The following FAM216A variants were observed in gnomAD, a reference collection of about 807,000 sequenced individuals.
The protein encoded by FAM216A is family with sequence similarity 216 member A, also known as protein FAM216A.
A neutral mutation model predicts 37.6 loss-of-function variants in FAM216A; 26 were observed. The observed-to-expected ratio is 0.69, with a 90% CI of 0.51 to 0.96. The LOEUF (loss-of-function observed/expected upper bound fraction) is 0.96. Among genes scored for constraint, FAM216A ranks in the 40% least tolerant of loss-of-function variants. The pLI, the probability that FAM216A is intolerant of heterozygous loss-of-function variation, is 0.00. For missense variants in FAM216A, 326 were observed against 339.3 expected (o/e 0.96, Z 0.31); for synonymous variants, 110 against 121.7 (o/e 0.90, Z 0.64).
Position 110,475,124 on chromosome 12 carries a change from G to A in FAM216A, c.184+2006G>A, listed in dbSNP as rs553274393. Among the ~76,000 whole-genome samples, 3 of 152,254 alleles carry A rather than the reference G, an allele frequency of 2.0e-5. No homozygotes were observed. In the East Asian group the frequency reaches 5.8e-4, roughly 29 times the overall value. On this transcript the variant is annotated intron_variant, in intron 2 of 6. Transcript: ENST00000377673. ...TGTATTGCTGTTTATAATTGGAGGGGAAAAGGGCCAGTATTCAGCAAGTGC... is the reference window on the plus strand; with the variant it reads ...TGTATTGCTGTTTATAATTGGAGGGAAAAAGGGCCAGTATTCAGCAAGTGC...
At chr12:110,476,309 C>G (rs911512390) in intron 2 of FAM216A, among the ~76,000 whole-genome samples, 6 of 151,150 alleles carry the variant, frequency 4.0e-5, no homozygotes, top group African/African-American at 1.5e-4. Flanking sequence ...ACGCCATTCT[C>G]CTGCCTCAGC....
At chr12:110,487,637 T>C (rs958341133) in intron 5 of FAM216A, 2 of 493,984 alleles carry the variant, frequency 4.0e-6, no homozygotes, top group Admixed American at 8.0e-5. Context: ...CACAGGGGAA[T>C]ACTATATAAC....
intron 2 of FAM216A, among the ~76,000 whole-genome samples, chr12:110,475,232 T>C (rs985918128): frequency 6.6e-6 from 1 of 152,172 alleles, no homozygotes; most frequent in Non-Finnish European, 1.5e-5. Context: ...TGGCAGTGAC[T>C]CTAGATATTA....
rs184832719 is a variant in FAM216A, at chr12:110,479,855, A to C, written c.185-5223A>C. Among the ~76,000 whole-genome samples, 889 of 151,842 alleles carry C rather than the reference A, an allele frequency of 5.9e-3. 7 individuals are homozygous for C. Among genetic ancestry groups the C allele is most frequent in the Non-Finnish European group, 9.3e-3 (630 of 67,948 alleles). ...CCATCTAAAAAAAAACCCAAAAAAA[A>C]CAAAAAACAAAACAACAAAAAAAAG... On this transcript the variant is annotated intron_variant, in intron 2 of 6. Transcript: ENST00000377673.
At chr12:110,475,721 CAAAA>C (rs112122723) in intron 2 of FAM216A, among the ~76,000 whole-genome samples, 4 of 96,978 alleles carry the variant, frequency 4.1e-5, no homozygotes, top group Admixed American at 1.1e-4. Context: ...TCACCCCTGG[CAAAA>C]AAAAAAAAAA....
chr12:110,469,287 C>T, intron 1 of FAM216A: 2 of 385,380 alleles, frequency 5.2e-6, no homozygotes, highest in East Asian at 4.0e-5. Flanking sequence ...CAGTCGCCCG[C>T]GTGCATCTCT....
At chr12:110,489,574 G>A (rs1363283068) in intron 6 of FAM216A, among the ~76,000 whole-genome samples, 4 of 151,706 alleles carry the variant, frequency 2.6e-5, no homozygotes, top group East Asian at 1.9e-4. Flanking sequence ...TGTAAATATC[G>A]TACCATGCCT....
intron 5 of FAM216A, 135 bp from the exon 6 acceptor site, chr12:110,487,726 C>A (rs1417462038): frequency 4.5e-6 from 3 of 663,848 alleles, no homozygotes; most frequent in Non-Finnish European, 8.2e-6. Context: ...TAAGAAATTA[C>A]AGGAGAATCT....
At chr12:110,469,484 G>A (rs2062666496) in intron 1 of FAM216A, among the ~76,000 whole-genome samples, 1 of 152,104 alleles carries the variant, frequency 6.6e-6, no homozygotes, top group Non-Finnish European at 1.5e-5. Flanking sequence ...GTCAAACGGG[G>A]ATTTCTTTTT....
chr12:110,468,863 T>C lies in FAM216A; in HGVS notation c.-13T>C. Reference sequence around the variant, plus strand: ...TACCAGCAGCCTGACGCACGCGTGCTGTCGGGGGAGGGATGCTGGGACAGC... The same window carrying C: ...TACCAGCAGCCTGACGCACGCGTGCCGTCGGGGGAGGGATGCTGGGACAGC... On this transcript the variant is annotated 5_prime_UTR_variant, in exon 1 of 7. Transcript: ENST00000377673. 1.3e-6 allele frequency: 2 copies of C among 1,488,130 alleles called. No homozygotes were observed. The highest frequency in any genetic ancestry group is 1.8e-6 in the Non-Finnish European group (2 of 1,119,316). The allele number at this position is 1,488,130 out of a possible 1,614,324, so 92.2% of individuals were successfully genotyped here.
At chr12:110,482,100 GAGACAGAGTCT>G (rs1273210876) in intron 2 of FAM216A, among the ~76,000 whole-genome samples, 104 of 140,780 alleles carry the variant, frequency 7.4e-4, no homozygotes, top group Middle Eastern at 3.7e-3. Flanking sequence ...TTTTTTTTTT[GAGACAGAGTCT>G]CACTCTGTCA....
At chr12:110,476,144 A>T (rs2062713265) in intron 2 of FAM216A, among the ~76,000 whole-genome samples, 1 of 152,146 alleles carries the variant, frequency 6.6e-6, no homozygotes, top group Non-Finnish European at 1.5e-5. Flanking sequence ...TTTCAATAAT[A>T]TCCTTTATAG....
At chr12:110,476,653 G>A (rs2062716509) in intron 2 of FAM216A, among the ~76,000 whole-genome samples, 4 of 151,850 alleles carry the variant, frequency 2.6e-5, no homozygotes, top group Admixed American at 6.6e-5. Flanking sequence ...TCAGCCTCTC[G>A]AGTAGCTGGG....
In FAM216A at chr12:110,468,959, G is replaced by T; in HGVS notation, c.84G>T (p.Thr28=). 6.6e-7 allele frequency: 1 copy of T among 1,522,734 alleles called. No homozygotes were observed. The highest frequency in any genetic ancestry group is 8.8e-7 in the Non-Finnish European group (1 of 1,138,242). The allele number at this position is 1,522,734 out of a possible 1,614,324, so 94.3% of individuals were successfully genotyped here. The part of the protein sequence containing the change: ...MPGQGPGSDW[T]ERSSSAEPPA... ...GCCAGGGTCCGGGGTCCGACTGGAC[G>T]GAGCGTAGCTCTTCTGCAGAGCCGC... The change falls in exon 1 of 7, where the codon ACG becomes ACT. Residue 28 remains threonine, a synonymous_variant. Transcript: ENST00000377673.
At chr12:110,486,831 C>T in intron 5 of FAM216A, 114 bp downstream of exon 5, 1 of 954,750 alleles carries the variant, frequency 1.0e-6, no homozygotes, top group East Asian at 2.5e-5. Flanking sequence ...ATACAGTTTA[C>T]TGTATTCTCA....
chr12:110,468,701 C>A (rs868314794), upstream of FAM216A: 16 of 1,519,014 alleles, frequency 1.1e-5, no homozygotes, highest in Middle Eastern at 2.3e-3. Flanking sequence ...CGCTCAGCGA[C>A]CGCAGCGCTC....
Position 110,468,913 on chromosome 12 carries a change from T to C in FAM216A, c.38T>C (p.Leu13Pro). Residue 13 changes from leucine (L) to proline (P), a missense_variant, in exon 1 of 7, where the codon CTC becomes CCC. Physicochemically the swap from Leu to Pro is moderately conservative, Grantham distance 98. Transcript: ENST00000377673. The part of the protein sequence containing the change: ...GQLLPHTARG[L>P]GAAEMPGQGP... Reference sequence around the variant, plus strand: ...CTGCTCCCGCACACGGCTCGCGGTCTCGGCGCCGCGGAGATGCCCGGCCAG... The same window carrying C: ...CTGCTCCCGCACACGGCTCGCGGTCCCGGCGCCGCGGAGATGCCCGGCCAG... 6.6e-7 allele frequency: 1 copy of C among 1,521,696 alleles called. No individual in the cohort carries two copies. The highest frequency in any genetic ancestry group is 2.0e-5 in the Admixed American group (1 of 49,912). The allele number at this position is 1,521,696 out of a possible 1,614,324, so 94.3% of individuals were successfully genotyped here. A position where few individuals can be genotyped will look rare whatever the true frequency, so the allele number is the denominator to read the frequency against.
intron 2 of FAM216A, among the ~76,000 whole-genome samples, chr12:110,481,779 A>G (rs2062748340): frequency 6.6e-6 from 1 of 152,206 alleles, no homozygotes; most frequent in East Asian, 1.9e-4. Context: ...TTAAGGACAC[A>G]ATTCATATTC....
intron 2 of FAM216A, among the ~76,000 whole-genome samples, chr12:110,482,987 T>C (rs2062756198): frequency 6.6e-6 from 1 of 152,018 alleles, no homozygotes; most frequent in South Asian, 2.1e-4. Context: ...AGTGGTTGCC[T>C]GGAGAAGGGA....
Sources: allele counts gnomAD v4.1 joint callset (sites outside exome capture counted in the v4.1 genomes callset), GRCh38; gene constraint gnomAD v4.1.1; transcripts MANE v1.5; gene names NCBI Gene and HGNC (gene_info 2026-07-23, HGNC 2026-07-21).